The following LCMT1 variants were observed in gnomAD, a reference collection of about 807,000 sequenced individuals.
LCMT1 encodes the protein [Phosphatase 2A protein]-leucine-carboxy methyltransferase 1.
Under a neutral mutation model 47.7 loss-of-function variants are expected in LCMT1, and 32 were observed. That is an observed-to-expected ratio of 0.67 (90% CI 0.51 to 0.90). The LOEUF (loss-of-function observed/expected upper bound fraction) is 0.90, where lower values mean the gene tolerates loss of function less well. Among genes scored for constraint, LCMT1 ranks in the 40% least tolerant of loss-of-function variants. The probability of loss-of-function intolerance (pLI) is 0.00; values close to 1 mark genes in which losing one functional copy is unlikely to be tolerated. For missense variants in LCMT1, 375 were observed against 415.2 expected (o/e 0.90, Z 0.84); for synonymous variants, 152 against 149.7 (o/e 1.02, Z -0.11).
chr16:25,150,431 G>A lies in LCMT1; in HGVS notation c.405-1123G>A, dbSNP rs151079490. Among the ~76,000 whole-genome samples the A allele has an allele frequency of 6.0e-3, 786 of 130,744 alleles. 5 individuals are homozygous for A. Among genetic ancestry groups the A allele is most frequent in the African/African-American group, 0.021 (716 of 34,812 alleles). The allele number at this position is 130,744 out of a possible 152,430, so 85.8% of individuals were successfully genotyped here. ...ACGATCTCAGCTCACCGCAACCTCC[G>A]CCTCCTAGGTGCAAGCGATTCTCCT... On this transcript the variant is annotated intron_variant, in intron 4 of 10. Transcript: ENST00000399069.
At chr16:25,116,782 A>C (rs564989821) in intron 1 of LCMT1, among the ~76,000 whole-genome samples, 2 of 151,720 alleles carry the variant, frequency 1.3e-5, no homozygotes, top group Admixed American at 6.6e-5. Flanking sequence ...AGTCCCATCT[A>C]CTTTGGGGCT....
At position 25,134,807 on chromosome 16, in the gene LCMT1, G is replaced by A. The variant is rs553708399; in HGVS notation, c.327+2284G>A. Among the ~76,000 whole-genome samples, 4 of 152,232 alleles carry A rather than the reference G, an allele frequency of 2.6e-5. No homozygotes were observed. In the East Asian group the frequency reaches 5.8e-4, roughly 22 times the overall value. ...GTAGAGCTAGCATTTTACTGTGTTG[G>A]CCAGGCTGGTCTTGAACTCCTGGCC... On this transcript the variant is annotated intron_variant, in intron 3 of 10. Transcript: ENST00000399069.
At chr16:25,128,397 T>G in intron 1 of LCMT1, 78 bp from the exon 2 acceptor site, 1 of 1,046,086 alleles carries the variant, frequency 9.6e-7, no homozygotes, top group Non-Finnish European at 1.4e-6. Flanking sequence ...TTGATCTGGT[T>G]CCTGGGAACT....
chr16:25,162,831 T>TATGTTTTTCTTTAAA (rs1455979523), intron 6 of LCMT1, among the ~76,000 whole-genome samples: 1 of 152,148 alleles, frequency 6.6e-6, no homozygotes, highest in Non-Finnish European at 1.5e-5. Context: ...TTTGTAAATA[T>TATGTTTTTCTTTAAA]ATGTTTTTCT....
At chr16:25,172,351 C>T (rs573111198) in intron 9 of LCMT1, among the ~76,000 whole-genome samples, 6 of 151,024 alleles carry the variant, frequency 4.0e-5, no homozygotes, top group African/African-American at 7.3e-5. Context: ...TATTGATTTA[C>T]GCAGATACAG....
intron 1 of LCMT1, among the ~76,000 whole-genome samples, chr16:25,117,793 A>G (rs1213120559): frequency 6.6e-6 from 1 of 151,928 alleles, no homozygotes; most frequent in Non-Finnish European, 1.5e-5. Context: ...TAGAGGTTGC[A>G]GAGTACTGGG....
At chr16:25,157,150 TTGTGTGTG>T (rs36066156) in intron 5 of LCMT1, among the ~76,000 whole-genome samples, 1 of 149,860 alleles carries the variant, frequency 6.7e-6, no homozygotes, top group Admixed American at 6.7e-5. Flanking sequence ...ACACCAGCAC[TTGTGTGTG>T]TGTGTGTGTG....
At chr16:25,160,047 C>A (rs1961375069) in intron 5 of LCMT1, among the ~76,000 whole-genome samples, 1 of 151,558 alleles carries the variant, frequency 6.6e-6, no homozygotes, top group Admixed American at 6.6e-5. Flanking sequence ...CTCACTGCAA[C>A]CTCCGCTTCC....
At chr16:25,155,929 G>A (rs554823529) in intron 5 of LCMT1, among the ~76,000 whole-genome samples, 5 of 152,262 alleles carry the variant, frequency 3.3e-5, no homozygotes, top group East Asian at 1.9e-4. Context: ...CAATCCTCCC[G>A]CCTCGACCTC....
intron 3 of LCMT1, among the ~76,000 whole-genome samples, chr16:25,134,421 T>C (rs1328385338): frequency 6.6e-6 from 1 of 152,176 alleles, no homozygotes; most frequent in Non-Finnish European, 1.5e-5. Flanking sequence ...ATGAGGGAAA[T>C]GAGACTGCAA....
At chr16:25,151,700 T>TGTGTGG (rs2141682605) in intron 5 of LCMT1, 85 bp downstream of exon 5, 1 of 719,662 alleles carries the variant, frequency 1.4e-6, no homozygotes, top group Non-Finnish European at 2.4e-6. Flanking sequence ...GTGTTGGGTG[T>TGTGTGG]GTGTGTGTGT....
intron 1 of LCMT1, among the ~76,000 whole-genome samples, chr16:25,113,292 G>A (rs1041602168): frequency 2.0e-5 from 3 of 152,170 alleles, no homozygotes; most frequent in African/African-American, 7.2e-5. Context: ...ATTGTAGAGT[G>A]GGGAAAACCA....
At chr16:25,120,731 G>GTTTTTTTTTTTT (rs1434579218) in intron 1 of LCMT1, among the ~76,000 whole-genome samples, 1 of 132,466 alleles carries the variant, frequency 7.5e-6, no homozygotes, top group African/African-American at 2.9e-5. Flanking sequence ...ACCTGGCCTT[G>GTTTTTTTTTTTT]TTTTTTTGTT....
chr16:25,113,693 C>G (rs1307771863), intron 1 of LCMT1, among the ~76,000 whole-genome samples: 1 of 152,086 alleles, frequency 6.6e-6, no homozygotes, highest in Non-Finnish European at 1.5e-5. Flanking sequence ...TGCTATTGGC[C>G]ACAGCTGTCT....
In LCMT1 at chr16:25,178,123, C is replaced by G; in HGVS notation, c.*100C>G. The stretch of plus-strand genomic sequence containing the variant: ...CGGTGGGCGGGCCTCGTCCGCAGGT[C>G]TCATCCCACACTCTTGAGAAGCCTT... On this transcript the variant is annotated 3_prime_UTR_variant, in exon 11 of 11. Coordinates refer to ENST00000399069, the MANE Select transcript of LCMT1 (RefSeq NM_016309.3). 9.5e-7 allele frequency: 1 copy of G among 1,055,102 alleles called. No individual in the cohort carries two copies. The highest frequency in any genetic ancestry group is 1.9e-5 in the Admixed American group (1 of 53,010). 65.4% of individuals were successfully genotyped at this position (1,055,102 alleles called of 1,614,324 possible). A position where few individuals can be genotyped will look rare whatever the true frequency, so the allele number is the denominator to read the frequency against.
intron 5 of LCMT1, among the ~76,000 whole-genome samples, chr16:25,157,743 G>C (rs1313985747): frequency 6.6e-6 from 1 of 152,190 alleles, no homozygotes; most frequent in Non-Finnish European, 1.5e-5. Context: ...CTTCTCAGCT[G>C]GGCTCATTCC....
Position 25,133,138 on chromosome 16 carries a change from G to A in LCMT1, c.327+615G>A, listed in dbSNP as rs1456961887. 2.0e-5 allele frequency among the ~76,000 whole-genome samples: 3 copies of A among 151,924 alleles called. No homozygotes were observed. The East Asian group carries it at 5.8e-4, about 29-fold the overall frequency. ...AGCCTCTCAAAGTGCTGGGATTATA[G>A]GCATTAGCCACTGCGCCCAGCCTAT... On this transcript the variant is annotated intron_variant, in intron 3 of 10. Coordinates refer to ENST00000399069, the MANE Select transcript of LCMT1 (RefSeq NM_016309.3).
chr16:25,170,534 C>T (rs1016897066), intron 8 of LCMT1, among the ~76,000 whole-genome samples, 180 bp from the exon 9 acceptor site: 2 of 151,636 alleles, frequency 1.3e-5, no homozygotes, highest in Admixed American at 6.6e-5. Flanking sequence ...GGTGGCAGAG[C>T]GGGGAGGATC....
intron 2 of LCMT1, among the ~76,000 whole-genome samples, chr16:25,130,887 T>A (rs547750012): frequency 6.6e-5 from 10 of 152,294 alleles, no homozygotes; most frequent in Non-Finnish European, 1.2e-4. Flanking sequence ...ATGTGTTAAG[T>A]CCCCAGTTTC....
Sources: gnomAD v4.1 joint callset for allele counts (sites outside exome capture counted in the v4.1 genomes callset) on GRCh38, gnomAD v4.1.1 for gene constraint, MANE v1.5 for transcripts, NCBI Gene and HGNC (gene_info 2026-07-23, HGNC 2026-07-21) for gene names.